The following DLC1 variants were observed in gnomAD, a reference collection of about 807,000 sequenced individuals.
DLC1 encodes the protein DLC1 Rho GTPase activating protein.
A neutral mutation model predicts 140.3 loss-of-function variants in DLC1; 54 were observed. The ratio of observed to expected loss-of-function variants is 0.38; its 90% CI spans 0.31 to 0.48. The LOEUF (loss-of-function observed/expected upper bound fraction) is 0.48. Among genes scored for constraint, DLC1 ranks in the 20% least tolerant of loss-of-function variants. The probability of loss-of-function intolerance (pLI) is 0.96; values close to 1 mark genes in which losing one functional copy is unlikely to be tolerated. For synonymous variants in DLC1, 986 were observed against 728.1 expected (o/e 1.35, Z -5.70); for missense variants, 2,536 against 1,907.0 (o/e 1.33, Z -6.14).
chr8:13,323,390 A>G (rs1833204949), intron 4 of DLC1, among the ~76,000 whole-genome samples: 1 of 152,232 alleles, frequency 6.6e-6, no homozygotes, highest in Non-Finnish European at 1.5e-5. Flanking sequence ...AAGACAATAT[A>G]AAAATTAAAA....
chr8:13,313,903 G>A (rs890683983), intron 4 of DLC1, among the ~76,000 whole-genome samples: 1 of 151,946 alleles, frequency 6.6e-6, no homozygotes, highest in Non-Finnish European at 1.5e-5. Flanking sequence ...TACTAGGTGG[G>A]CCTATTCTTT....
chr8:13,459,331 T>C (rs940659757), intron 2 of DLC1, among the ~76,000 whole-genome samples: 11 of 152,204 alleles, frequency 7.2e-5, no homozygotes, highest in Non-Finnish European at 1.3e-4. Flanking sequence ...TCTGGATCTA[T>C]CCCAATGTCA....
intron 2 of DLC1, among the ~76,000 whole-genome samples, chr8:13,406,182 T>TTTTTTTTTG (rs1563321160): frequency 2.1e-5 from 1 of 48,492 alleles, no homozygotes; most frequent in Non-Finnish European, 4.0e-5. Context: ...AATTTTTGTG[T>TTTTTTTTTG]TTTTTTTTTT....
intron 1 of DLC1, among the ~76,000 whole-genome samples, chr8:13,502,229 C>A (rs996771439): frequency 3.2e-4 from 49 of 152,162 alleles, no homozygotes; most frequent in Non-Finnish European, 1.9e-4. Context: ...TCAACAAGTT[C>A]TGAGACAATC....
chr8:13,594,341 G>A (rs1198384856), intron 1 of DLC1, among the ~76,000 whole-genome samples: 1 of 152,124 alleles, frequency 6.6e-6, no homozygotes, highest in African/African-American at 2.4e-5. Context: ...ACTTCGCTCT[G>A]TATCAGTTCA....
chr8:13,344,915 A>G lies in DLC1; in HGVS notation c.1315-39613T>C, dbSNP rs544028514. On this transcript the variant is annotated intron_variant, in intron 4 of 17. Transcript: ENST00000276297. ...ACTTTTAACCTAATAAGTTTAGTCA[A>G]CTTCTAATTGTTTGATTATTTAATC... 9.1e-4 allele frequency among the ~76,000 whole-genome samples: 139 copies of G among 152,316 alleles called. 1 individual carries two copies. The highest frequency in any genetic ancestry group is 3.3e-3 in the African/African-American group (137 of 41,570).
intron 2 of DLC1, among the ~76,000 whole-genome samples, chr8:13,496,829 T>G (rs10086323): frequency 2.4e-5 from 3 of 123,352 alleles, no homozygotes; most frequent in Non-Finnish European, 3.2e-5. Context: ...GAGATGGAGT[T>G]TCGCTGTGTC....
chr8:13,253,322 C>T (rs922649378), intron 5 of DLC1, among the ~76,000 whole-genome samples: 3 of 152,140 alleles, frequency 2.0e-5, no homozygotes, highest in African/African-American at 4.8e-5. Context: ...CAGAGAGTAA[C>T]AATGCCTTTT....
At chr8:13,503,157 C>A (rs1280442386) in intron 1 of DLC1, among the ~76,000 whole-genome samples, 1 of 152,182 alleles carries the variant, frequency 6.6e-6, no homozygotes, top group Non-Finnish European at 1.5e-5. Flanking sequence ...GTAATCCCAG[C>A]ACTTTGGGAG....
chr8:13,511,672 C>T (rs1000354291), intron 1 of DLC1, among the ~76,000 whole-genome samples: 14 of 151,644 alleles, frequency 9.2e-5, no homozygotes, highest in African/African-American at 3.4e-4. Context: ...CTACTTCCCT[C>T]AAATTTGAAA....
At position 13,090,556 on chromosome 8, in the gene DLC1, C is replaced by A. The variant is rs558420046; in HGVS notation, c.3856-86G>T. On this transcript the variant is annotated intron_variant, in intron 14 of 17. Coordinates refer to ENST00000276297, the MANE Select transcript of DLC1 (RefSeq NM_182643.3). ...ATCAGTGGAAAAGACTGGGTAGGAA[C>A]AATGGCCTGGTCCTTAAAGCAGTGC... is the stretch of plus-strand genomic sequence containing the variant. 2.8e-5 allele frequency: 42 copies of A among 1,490,132 alleles called. No homozygotes were observed. The Admixed American group carries it at 3.8e-4, about 14-fold the overall frequency. 92.3% of individuals were successfully genotyped at this position (1,490,132 alleles called of 1,614,324 possible). A position where few individuals can be genotyped will look rare whatever the true frequency, so the allele number is the denominator to read the frequency against.
chr8:13,315,970 C>T (rs376016759), intron 4 of DLC1, among the ~76,000 whole-genome samples: 6 of 152,214 alleles, frequency 3.9e-5, no homozygotes, highest in African/African-American at 1.2e-4. Context: ...GAAGTTCTTG[C>T]TTTAATATAG....
intron 2 of DLC1, among the ~76,000 whole-genome samples, chr8:13,424,204 A>C (rs1838448940): frequency 6.6e-6 from 1 of 152,152 alleles, no homozygotes; most frequent in Non-Finnish European, 1.5e-5. Context: ...ATAATGATAA[A>C]AATAAAAATC....
chr8:13,166,634 G>A (rs565664184), intron 5 of DLC1, among the ~76,000 whole-genome samples: 10 of 152,274 alleles, frequency 6.6e-5, no homozygotes, highest in South Asian at 6.2e-4. Context: ...CTCCAGGCCC[G>A]ATTTCTCTTT....
chr8:13,464,299 G>C (rs1799820082), intron 2 of DLC1, among the ~76,000 whole-genome samples: 1 of 152,140 alleles, frequency 6.6e-6, no homozygotes, highest in South Asian at 2.1e-4. Context: ...TTCACTGACT[G>C]AATGCATTCA....
intron 5 of DLC1, among the ~76,000 whole-genome samples, chr8:13,196,069 A>C (rs1306556688): frequency 6.6e-6 from 1 of 150,760 alleles, no homozygotes; most frequent in Non-Finnish European, 1.5e-5. Flanking sequence ...ATTAAAACAC[A>C]ACCAATGCTC....
chr8:13,206,352 T>C (rs1242134330), intron 5 of DLC1, among the ~76,000 whole-genome samples: 1 of 152,130 alleles, frequency 6.6e-6, no homozygotes, highest in Non-Finnish European at 1.5e-5. Context: ...TTATAACAAA[T>C]TATGTCATGT....
intron 2 of DLC1, among the ~76,000 whole-genome samples, chr8:13,444,820 C>G (rs1798702802): frequency 6.6e-6 from 1 of 152,056 alleles, no homozygotes; most frequent in Non-Finnish European, 1.5e-5. Context: ...ATTTTTTATG[C>G]AATTTGAAAA....
At chr8:13,136,866 T>C (rs541200004) in intron 5 of DLC1, among the ~76,000 whole-genome samples, 2 of 152,250 alleles carry the variant, frequency 1.3e-5, no homozygotes, top group South Asian at 4.1e-4. Flanking sequence ...GGCTGTGTAG[T>C]TGAATATGTT....
Sources: gnomAD v4.1 joint callset for allele counts (sites outside exome capture counted in the v4.1 genomes callset) on GRCh38, gnomAD v4.1.1 for gene constraint, MANE v1.5 for transcripts, NCBI Gene and HGNC (gene_info 2026-07-23, HGNC 2026-07-21) for gene names.